Variants in DOK5 observed in about 807,000 individuals in gnomAD.
The protein encoded by DOK5 is docking protein 5.
Under a neutral mutation model 43.3 loss-of-function variants are expected in DOK5, and 27 were observed. That is an observed-to-expected ratio of 0.62 (90% CI 0.46 to 0.86). The LOEUF (loss-of-function observed/expected upper bound fraction) is 0.86, where lower values mean the gene tolerates loss of function less well. Among genes scored for constraint, DOK5 ranks in the 40% least tolerant of loss-of-function variants. The pLI, the probability that DOK5 is intolerant of heterozygous loss-of-function variation, is 0.00. For synonymous variants in DOK5, 146 were observed against 140.1 expected (o/e 1.04, Z -0.30); for missense variants, 373 against 392.9 (o/e 0.95, Z 0.43).
intron 2 of DOK5, among the ~76,000 whole-genome samples, chr20:54,568,464 C>T (rs574704095): frequency 5.3e-5 from 8 of 152,228 alleles, no homozygotes; most frequent in African/African-American, 1.2e-4. Context: ...ATAGTTTTTC[C>T]GTTTGGGAGA....
intron 7 of DOK5, 133 bp downstream of exon 7, chr20:54,643,711 G>T: frequency 8.4e-7 from 1 of 1,184,324 alleles, no homozygotes; most frequent in South Asian, 1.6e-5. Flanking sequence ...CCCCCATCAA[G>T]GCCTCACACA....
chr20:54,572,100 T>G (rs1763243253), intron 2 of DOK5, among the ~76,000 whole-genome samples: 1 of 152,204 alleles, frequency 6.6e-6, no homozygotes, highest in East Asian at 1.9e-4. Context: ...TTTCTGTGTT[T>G]GAATTACTGT....
At chr20:54,622,267 A>G (rs1449563961) in intron 6 of DOK5, among the ~76,000 whole-genome samples, 4 of 152,206 alleles carry the variant, frequency 2.6e-5, no homozygotes, top group Non-Finnish European at 4.4e-5. Context: ...ACTAATAGAC[A>G]TTTAACAGAG....
At chr20:54,579,394 A>C (rs1210445975) in intron 2 of DOK5, among the ~76,000 whole-genome samples, 1 of 148,062 alleles carries the variant, frequency 6.8e-6, no homozygotes, top group Non-Finnish European at 1.5e-5. Flanking sequence ...GGTGAGGCAC[A>C]GTGGTTAAAG....
At chr20:54,524,259 T>C (rs1192090745) in intron 1 of DOK5, among the ~76,000 whole-genome samples, 2 of 152,182 alleles carry the variant, frequency 1.3e-5, no homozygotes, top group African/African-American at 4.8e-5. Flanking sequence ...GCAGCTTAGC[T>C]TCAGGTAAAG....
chr20:54,511,336 A>G (rs1033223753), intron 1 of DOK5, among the ~76,000 whole-genome samples: 49 of 152,202 alleles, frequency 3.2e-4, no homozygotes, highest in African/African-American at 1.2e-3. Flanking sequence ...TTGCTTTGCT[A>G]ATAGGTACTT....
intron 2 of DOK5, among the ~76,000 whole-genome samples, chr20:54,556,248 C>A (rs62214423): frequency 0.054 from 8,198 of 152,268 alleles, 269 homozygotes; most frequent in Non-Finnish European, 0.074. Flanking sequence ...CACTCCCAGC[C>A]TTTCTTCTCT....
chr20:54,605,743 A>G (rs1350889901), intron 5 of DOK5, among the ~76,000 whole-genome samples: 1 of 152,246 alleles, frequency 6.6e-6, no homozygotes, highest in Non-Finnish European at 1.5e-5. Context: ...TGAACATGAA[A>G]TGTAAACCAA....
In DOK5 at chr20:54,515,125, C is replaced by T. The variant is rs918794532; in HGVS notation, c.66+39113C>T. On this transcript the variant is annotated intron_variant, in intron 1 of 7. Transcript: ENST00000262593. ...TCCCAGGTTCAAGCAATTCTCCTGC[C>T]TTAGCCTCCCGAGTAGCTGGGATTA... 3.9e-5 allele frequency among the ~76,000 whole-genome samples: 6 copies of T among 152,090 alleles called. No individual in the cohort carries two copies. In the South Asian group the frequency reaches 1.0e-3, roughly 26 times the overall value.
intron 1 of DOK5, among the ~76,000 whole-genome samples, chr20:54,524,521 G>A (rs1379977332): frequency 6.6e-6 from 1 of 152,188 alleles, no homozygotes. Flanking sequence ...CCTATTGTAT[G>A]CCTCAGGACC....
chr20:54,503,769 GT>G (rs1285856787), intron 1 of DOK5, among the ~76,000 whole-genome samples: 1 of 152,162 alleles, frequency 6.6e-6, no homozygotes, highest in Non-Finnish European at 1.5e-5. Flanking sequence ...TAGGAACCTG[GT>G]TTGCAGGGTC....
intron 7 of DOK5, 69 bp downstream of exon 7, chr20:54,643,647 C>A: frequency 6.5e-7 from 1 of 1,533,506 alleles, no homozygotes; most frequent in South Asian, 1.2e-5. Flanking sequence ...GGGCTCAGCT[C>A]AACTCGCAGC....
chr20:54,632,600 G>C (rs756021139), intron 6 of DOK5, among the ~76,000 whole-genome samples: 3 of 152,204 alleles, frequency 2.0e-5, no homozygotes, highest in Non-Finnish European at 2.9e-5. Flanking sequence ...CTAGGGTCAT[G>C]CAGCTATTAG....
chr20:54,622,323 C>T (rs1165414743), intron 6 of DOK5, among the ~76,000 whole-genome samples: 1 of 152,214 alleles, frequency 6.6e-6, no homozygotes, highest in Non-Finnish European at 1.5e-5. Flanking sequence ...GAAACTCAGG[C>T]TTCTTCCTTA....
At chr20:54,626,800 A>G (rs1011958435) in intron 6 of DOK5, among the ~76,000 whole-genome samples, 1 of 152,264 alleles carries the variant, frequency 6.6e-6, no homozygotes, top group Admixed American at 6.5e-5. Flanking sequence ...TAAACATTTA[A>G]TGGAAATAGT....
intron 6 of DOK5, among the ~76,000 whole-genome samples, chr20:54,620,531 G>A (rs923720314): frequency 2.0e-5 from 3 of 152,078 alleles, no homozygotes; most frequent in African/African-American, 4.8e-5. Context: ...GAGCCACAGC[G>A]CCTGGCATTT....
At chr20:54,504,543 G>A (rs116388797) in intron 1 of DOK5, among the ~76,000 whole-genome samples, 2,583 of 152,250 alleles carry the variant, frequency 0.017, 59 homozygotes, top group African/African-American at 0.051. Flanking sequence ...CTTTCTCAAC[G>A]TGAGGTTCTG....
At chr20:54,529,016 C>T (rs1319903084) in intron 1 of DOK5, among the ~76,000 whole-genome samples, 2 of 152,172 alleles carry the variant, frequency 1.3e-5, no homozygotes, top group Non-Finnish European at 2.9e-5. Flanking sequence ...GAATGGATCA[C>T]CTCCTGCATG....
chr20:54,519,973 G>T (rs570802472), intron 1 of DOK5, among the ~76,000 whole-genome samples: 2 of 152,286 alleles, frequency 1.3e-5, no homozygotes, highest in East Asian at 3.9e-4. Context: ...CGACATCCAA[G>T]TGTGTTTTAA....
Sources: gnomAD v4.1 joint callset for allele counts (sites outside exome capture counted in the v4.1 genomes callset) on GRCh38, gnomAD v4.1.1 for gene constraint, MANE v1.5 for transcripts, NCBI Gene and HGNC (gene_info 2026-07-23, HGNC 2026-07-21) for gene names.